Variants in GNG2 observed in about 807,000 individuals in gnomAD.
The protein encoded by GNG2 is guanine nucleotide-binding protein G(I)/G(S)/G(O) subunit gamma-2.
Under a neutral mutation model 5.5 loss-of-function variants are expected in GNG2, and 5 were observed. The ratio of observed to expected loss-of-function variants is 0.91; its 90% CI spans 0.48 to 1.92. The LOEUF (loss-of-function observed/expected upper bound fraction) is 1.92. GNG2 is among the 30% of genes most tolerant of loss of function. The probability of loss-of-function intolerance (pLI) is 0.01; values close to 1 mark genes in which losing one functional copy is unlikely to be tolerated. For missense variants in GNG2, 55 were observed against 88.4 expected (o/e 0.62, Z 1.52); for synonymous variants, 28 against 32.0 (o/e 0.88, Z 0.42).
intron 1 of GNG2, among the ~76,000 whole-genome samples, chr14:51,876,555 A>G (rs965889707): frequency 6.6e-6 from 1 of 151,692 alleles, no homozygotes; most frequent in Non-Finnish European, 1.5e-5. Context: ...TGTCCCACCT[A>G]GTCTTTGTTA....
intron 2 of GNG2, among the ~76,000 whole-genome samples, chr14:51,894,243 T>C (rs925235011): frequency 3.3e-5 from 5 of 152,174 alleles, no homozygotes; most frequent in Non-Finnish European, 1.5e-5. Context: ...TATATCGTAG[T>C]TTTATTTTAA....
chr14:51,883,928 A>G (rs1376786534), intron 2 of GNG2, among the ~76,000 whole-genome samples: 1 of 152,174 alleles, frequency 6.6e-6, no homozygotes, highest in Admixed American at 6.5e-5. Flanking sequence ...AAAGAAATTC[A>G]TGCAGAAAAA....
chr14:51,928,937 A>G (rs1326690399), intron 2 of GNG2, among the ~76,000 whole-genome samples: 1 of 152,216 alleles, frequency 6.6e-6, no homozygotes, highest in Non-Finnish European at 1.5e-5. Context: ...GCCGTAGTCT[A>G]TAATAAATGA....
At chr14:51,962,814 G>T (rs1296500405) in intron 3 of GNG2, among the ~76,000 whole-genome samples, 1 of 152,194 alleles carries the variant, frequency 6.6e-6, no homozygotes, top group Non-Finnish European at 1.5e-5. Flanking sequence ...AAAGCAGAAA[G>T]ATCTGCTAGG....
intron 2 of GNG2, among the ~76,000 whole-genome samples, chr14:51,837,376 G>A (rs1389969029): frequency 1.3e-5 from 2 of 152,042 alleles, no homozygotes; most frequent in African/African-American, 2.4e-5. Context: ...CAGGGGTGGT[G>A]GCTCATGCCT....
rs529065600 is a variant in GNG2 at position 51,882,469 on chromosome 14, G to A, written c.-30+4812G>A. Among the ~76,000 whole-genome samples the A allele has an allele frequency of 9.8e-4, 150 of 152,294 alleles. No individual in the cohort carries two copies. In the Middle Eastern group the frequency reaches 0.01, roughly 10 times the overall value. ...TGGGAACAGATATTTGGATGTCATA[G>A]TGTCTGCAAGGTAGAATTAATTAGG... On this transcript the variant is annotated intron_variant, in intron 2 of 3. Coordinates refer to ENST00000556766, the MANE Select transcript of GNG2 (RefSeq NM_053064.5).
At chr14:51,951,376 A>G (rs571060401) in intron 3 of GNG2, among the ~76,000 whole-genome samples, 19 of 152,228 alleles carry the variant, frequency 1.2e-4, no homozygotes, top group Non-Finnish European at 2.4e-4. Flanking sequence ...GGGCTAATTC[A>G]TCTGGAACCA....
intron 2 of GNG2, among the ~76,000 whole-genome samples, chr14:51,903,308 G>A (rs756307028): frequency 4.6e-5 from 7 of 152,152 alleles, no homozygotes; most frequent in African/African-American, 1.7e-4. Context: ...CAGAAAACAA[G>A]GTTATATGTT....
chr14:51,902,336 A>G (rs1885622276), intron 2 of GNG2, among the ~76,000 whole-genome samples: 1 of 152,260 alleles, frequency 6.6e-6, no homozygotes, highest in Non-Finnish European at 1.5e-5. Flanking sequence ...AGATGGCACA[A>G]GCCTCCTATA....
chr14:51,951,815 C>T (rs1463457115), intron 3 of GNG2: 1 of 689,246 alleles, frequency 1.5e-6, no homozygotes, highest in Non-Finnish European at 2.6e-6. Flanking sequence ...TCTAAAACAG[C>T]AGAGTAGGGT....
intron 2 of GNG2, among the ~76,000 whole-genome samples, chr14:51,925,904 G>T (rs749134533): frequency 5.9e-5 from 9 of 152,064 alleles, no homozygotes; most frequent in Non-Finnish European, 1.3e-4. Context: ...TTACAGGTGT[G>T]AGCCACCGCA....
In GNG2 at chr14:51,937,203, A is replaced by G. The variant is rs193165430; in HGVS notation, c.-29-13447A>G. Among the ~76,000 whole-genome samples, 314 of 152,362 alleles carry G rather than the reference A, an allele frequency of 2.1e-3. 2 individuals carry two copies. The highest frequency in any genetic ancestry group is 3.0e-3 in the Non-Finnish European group (207 of 68,040). ...CATTTTAAAAACAGTATTGATTGAA[A>G]GACTAAAAAGTGGCTCTGTGCTATA... On this transcript the variant is annotated intron_variant, in intron 2 of 3. Coordinates refer to ENST00000556766, the MANE Select transcript of GNG2 (RefSeq NM_053064.5).
intron 2 of GNG2, among the ~76,000 whole-genome samples, chr14:51,832,433 AC>A (rs373210555): frequency 5.0e-4 from 76 of 152,360 alleles, no homozygotes; most frequent in African/African-American, 1.8e-3. Flanking sequence ...AGGGCAATAA[AC>A]TGCTATCTTT....
chr14:51,878,909 G>A lies in GNG2; in HGVS notation c.-30+1252G>A, dbSNP rs149261315. On this transcript the variant is annotated intron_variant, in intron 2 of 3. Coordinates refer to ENST00000556766, the MANE Select transcript of GNG2 (RefSeq NM_053064.5). ...TGTTCTTTGAGTTGATTTCTGTCAT[G>A]CTAATAAGTATGCTTAAATTTTTCA... is the stretch of plus-strand genomic sequence containing the variant. Among the ~76,000 whole-genome samples the A allele has an allele frequency of 1.1e-3, 170 of 152,288 alleles. 2 individuals carry two copies. The highest frequency in any genetic ancestry group is 3.9e-3 in the African/African-American group (160 of 41,556).
intron 2 of GNG2, among the ~76,000 whole-genome samples, chr14:51,831,687 T>G (rs1881194840): frequency 6.6e-6 from 1 of 152,226 alleles, no homozygotes. Flanking sequence ...GAAGTGGACT[T>G]CAAAACAAAA....
At chr14:51,958,280 A>G (rs78623265) in intron 3 of GNG2, among the ~76,000 whole-genome samples, 5,226 of 152,134 alleles carry the variant, frequency 0.034, 131 homozygotes, top group Middle Eastern at 0.088. Flanking sequence ...CTTTTTTCCA[A>G]AGAGCACTGG....
chr14:51,915,100 A>G (rs1481791235), intron 2 of GNG2, among the ~76,000 whole-genome samples: 2 of 152,238 alleles, frequency 1.3e-5, no homozygotes, highest in African/African-American at 4.8e-5. Context: ...CACTTCAGCT[A>G]CTAAGAGATG....
At chr14:51,854,658 A>G (rs1016759850) in intron 2 of GNG2, among the ~76,000 whole-genome samples, 3 of 151,678 alleles carry the variant, frequency 2.0e-5, no homozygotes, top group South Asian at 2.1e-4. Flanking sequence ...GATTACAGGT[A>G]CCCGCCACCA....
intron 2 of GNG2, among the ~76,000 whole-genome samples, chr14:51,908,527 G>GATCTATCTATCT (rs10624821): frequency 0.068 from 10,114 of 149,654 alleles, 446 homozygotes; most frequent in Non-Finnish European, 0.096. Flanking sequence ...ATATTTTAAA[G>GATCTATCTATCT]ATCTATCTAT....
Sources: allele counts gnomAD v4.1 joint callset (sites outside exome capture counted in the v4.1 genomes callset), GRCh38; gene constraint gnomAD v4.1.1; transcripts MANE v1.5; gene names NCBI Gene and HGNC (gene_info 2026-07-23, HGNC 2026-07-21).